Variants in WDR91 observed in about 807,000 individuals in gnomAD.
WDR91 encodes WD repeat-containing protein 91.
WDR91 carries 52 observed loss-of-function variants against 88.4 expected under a neutral mutation model. The ratio of observed to expected loss-of-function variants is 0.59; its 90% CI spans 0.47 to 0.74. WDR91 has a LOEUF of 0.74. Ranked by LOEUF, WDR91 falls within the 30% of genes least tolerant of loss-of-function variation. WDR91 has a pLI of 0.00. For synonymous variants in WDR91, 362 were observed against 389.5 expected (o/e 0.93, Z 0.83); for missense variants, 824 against 954.5 (o/e 0.86, Z 1.80).
intron 8 of WDR91, 25 bp from the exon 9 acceptor site, chr7:135,195,109 T>G: frequency 6.2e-7 from 1 of 1,604,728 alleles, no homozygotes; most frequent in South Asian, 1.1e-5. Flanking sequence ...AAGGGAGGCC[T>G]GTCAGCTGGC....
At chr7:135,192,052 G>C (rs292571) in intron 11 of WDR91, among the ~76,000 whole-genome samples, 103,433 of 150,982 alleles carry the variant, frequency 0.69, 36,224 homozygotes, top group Admixed American at 0.8. Context: ...CTTATGGACT[G>C]ACTGTGTGAG....
chr7:135,193,911 A>T, intron 9 of WDR91: 1 of 508,640 alleles, frequency 2.0e-6, no homozygotes, highest in Non-Finnish European at 3.6e-6. Flanking sequence ...AATGGGAGAG[A>T]CGCGTCACCT....
chr7:135,196,685 G>A lies in WDR91; in HGVS notation c.1051-348C>T, dbSNP rs3778771. ...TGGTGCAGGCCACACACCGCGCTGA[G>A]TATTTTACAGATTTCTCTCATTTAG... On this transcript the variant is annotated intron_variant, in intron 7 of 14. Transcript: ENST00000354475. The surrounding 1 kb of genome is among the most constrained non-coding windows in gnomAD (Gnocchi z 4.2). Among the ~76,000 whole-genome samples the A allele has an allele frequency of 0.25, 38,636 of 152,100 alleles. 5,003 individuals carry two copies. The highest frequency in any genetic ancestry group is 0.28 in the African/African-American group (11,770 of 41,470).
At chr7:135,186,825 G>T in intron 14 of WDR91, 147 bp downstream of exon 14, 1 of 960,154 alleles carries the variant, frequency 1.0e-6, no homozygotes, top group Non-Finnish European at 1.6e-6. Context: ...CCCAGCACTA[G>T]CTAGCCAGCG....
intron 3 of WDR91, 127 bp downstream of exon 3, chr7:135,208,664 T>G: frequency 1.3e-6 from 1 of 784,116 alleles, no homozygotes; most frequent in Admixed American, 3.2e-5. Flanking sequence ...CCCCCTCATG[T>G]GACCCATAAA....
intron 5 of WDR91, 138 bp downstream of exon 5, chr7:135,205,790 G>C (rs577260861): frequency 7.9e-7 from 1 of 1,261,288 alleles, no homozygotes; most frequent in South Asian, 1.4e-5. Context: ...TCAAGCAAGA[G>C]CAGTGTGTGC....
rs1390195178 is a variant in WDR91, at chr7:135,209,710, C to T, written c.169G>A (p.Asp57Asn). ...CAATAATCCCGAAGGGCAGCCAAGT[C>T]ATACACCTGCATTAACTGCTGCAGC... Reference protein sequence around the residue: ...DQLQQLMQVYDLAALRDYWSY... With the variant: ...DQLQQLMQVYNLAALRDYWSY... Residue 57 changes from aspartate (D) to asparagine (N), a missense_variant, in exon 2 of 15, where the codon GAC (aspartate) becomes AAC (asparagine). Transcript: ENST00000354475. 1.2e-6 allele frequency: 2 copies of T among 1,611,470 alleles called. No individual in the cohort carries two copies. The highest frequency in any genetic ancestry group is 1.7e-6 in the Non-Finnish European group (2 of 1,179,186).
At chr7:135,186,792 A>G (rs1385844040) in intron 14 of WDR91, among the ~76,000 whole-genome samples, 180 bp downstream of exon 14, 1 of 152,270 alleles carries the variant, frequency 6.6e-6, no homozygotes, top group Non-Finnish European at 1.5e-5. Flanking sequence ...CAGTTAGTGC[A>G]GAAACATGGC....
intron 10 of WDR91, 71 bp downstream of exon 10, chr7:135,193,507 G>T: frequency 1.9e-6 from 3 of 1,611,056 alleles, no homozygotes; most frequent in Non-Finnish European, 2.5e-6. Context: ...TTAGGCTTGG[G>T]AAAGGACCAG....
rs764312732 is a variant in WDR91, at chr7:135,186,997, G to A, written c.2054C>T (p.Ser685Phe). The A allele has an allele frequency of 6.2e-7, 1 of 1,614,062 alleles. No homozygotes were observed. The highest frequency in any genetic ancestry group is 2.2e-5 in the East Asian group (1 of 44,886). The change falls in exon 14 of 15, where the codon TCT (serine) becomes TTT (phenylalanine). Residue 685 changes from serine (S) to phenylalanine (F), a missense_variant. Coordinates refer to ENST00000354475, the MANE Select transcript of WDR91 (RefSeq NM_014149.4). ...CTTGTAGATGACGCCGCCTGTGGCA[G>A]AACATGTCAGCATGTAATTTCCCTC... Reference protein sequence around the residue: ...DSEGNYMLTCSATGGVIYKLG... With the variant: ...DSEGNYMLTCFATGGVIYKLG...
rs140501387 is a variant in WDR91, at chr7:135,190,117, G to A, written c.1660-665C>T. On this transcript the variant is annotated intron_variant, in intron 11 of 14. Coordinates refer to ENST00000354475, the MANE Select transcript of WDR91 (RefSeq NM_014149.4). ...CAGAGAACCAGTGCACTCCAAAGCC[G>A]GCTTTCACTATGGGGAATTAATCAG... Among the ~76,000 whole-genome samples the A allele has an allele frequency of 1.6e-4, 24 of 152,250 alleles. No individual in the cohort carries two copies. The South Asian group carries it at 2.1e-3, about 13-fold the overall frequency.
chr7:135,209,499 G>C, intron 2 of WDR91, 77 bp downstream of exon 2: 1 of 1,384,846 alleles, frequency 7.2e-7, no homozygotes, highest in Non-Finnish European at 9.7e-7. Flanking sequence ...TCCTCCCTAG[G>C]AACTGGAAGA....
chr7:135,197,154 T>TA lies in WDR91; in HGVS notation c.1051-818dup, dbSNP rs377135383. On this transcript the variant is annotated intron_variant, in intron 7 of 14. Transcript: ENST00000354475. ...AGAGGCAGGAGGAGGAGTTCAACAA[T>TA]AAAAAAAAATAACAGAGGAACTTCA... is the stretch of plus-strand genomic sequence containing the variant. 6.8e-4 allele frequency: 102 copies of TA among 150,612 alleles called. 1 individual carries two copies. Among genetic ancestry groups the TA allele is most frequent in the African/African-American group, 1.9e-3 (76 of 41,072 alleles). The allele number at this position is 150,612 out of a possible 1,614,324, so 9.3% of individuals were successfully genotyped here.
chr7:135,204,494 C>A, intron 5 of WDR91, 61 bp from the exon 6 acceptor site: 1 of 1,577,154 alleles, frequency 6.3e-7, no homozygotes, highest in Non-Finnish European at 8.7e-7. Flanking sequence ...AAACCAAGAA[C>A]ATAGACCTCC....
At chr7:135,190,690 TG>T (rs1831131749) in intron 11 of WDR91, among the ~76,000 whole-genome samples, 1 of 152,112 alleles carries the variant, frequency 6.6e-6, no homozygotes, top group Non-Finnish European at 1.5e-5. Flanking sequence ...AAAATGAAGG[TG>T]AGCTTCTAAA....
chr7:135,209,112 C>A, intron 2 of WDR91, 114 bp from the exon 3 acceptor site: 2 of 816,110 alleles, frequency 2.5e-6, no homozygotes, highest in East Asian at 2.8e-5. Context: ...AGGTAAGTGG[C>A]AAAATAAAAT....
At chr7:135,210,532 G>A in intron 1 of WDR91, among the ~76,000 whole-genome samples, 1 of 152,232 alleles carries the variant, frequency 6.6e-6, no homozygotes, top group African/African-American at 2.4e-5. Context: ...AGCCGTGGTA[G>A]CTGCTCAGAG....
chr7:135,186,104 C>G lies in WDR91; in HGVS notation c.*47G>C, dbSNP rs751977642. 3.9e-6 allele frequency: 6 copies of G among 1,542,870 alleles called. No homozygotes were observed. Among genetic ancestry groups the G allele is most frequent in the Non-Finnish European group, 4.4e-6 (5 of 1,148,850 alleles). ...TTTTCCTGTCCTATATCTCCTCCCC[C>G]CACCGCAGATAATACTGCTTCCTCG... On this transcript the variant is annotated 3_prime_UTR_variant, in exon 15 of 15. Transcript: ENST00000354475.
At chr7:135,204,629 G>A (rs1482024564) in intron 5 of WDR91, among the ~76,000 whole-genome samples, 196 bp from the exon 6 acceptor site, 1 of 152,200 alleles carries the variant, frequency 6.6e-6, no homozygotes, top group Non-Finnish European at 1.5e-5. Flanking sequence ...TGTTACAAGG[G>A]TGAAGTCTGC....
Sources: allele counts gnomAD v4.1 joint callset (sites outside exome capture counted in the v4.1 genomes callset), GRCh38; gene constraint gnomAD v4.1.1; non-coding constraint Gnocchi (gnomAD v3.1); transcripts MANE v1.5; gene names NCBI Gene and HGNC (gene_info 2026-07-23, HGNC 2026-07-21).